Variants in KHDRBS2 observed in about 807,000 individuals in gnomAD.
KHDRBS2 encodes the protein KH RNA binding domain containing, signal transduction associated 2, also known as KH domain-containing, RNA-binding, signal transduction-associated protein 2.
A neutral mutation model predicts 44.3 loss-of-function variants in KHDRBS2; 26 were observed. The observed-to-expected ratio is 0.59, with a 90% CI of 0.43 to 0.81. The LOEUF is 0.81. KHDRBS2 is among the 40% of genes least tolerant of loss of function. The pLI, the probability that KHDRBS2 is intolerant of heterozygous loss-of-function variation, is 0.00. For missense variants in KHDRBS2, 476 were observed against 433.1 expected (o/e 1.10, Z -0.88); for synonymous variants, 194 against 151.1 (o/e 1.28, Z -2.08).
chr6:61,864,870 A>G (rs1797555974), intron 6 of KHDRBS2, among the ~76,000 whole-genome samples: 1 of 151,884 alleles, frequency 6.6e-6, no homozygotes, highest in East Asian at 1.9e-4. Flanking sequence ...CCATTCTCCA[A>G]TTGCTTCCAT....
chr6:61,608,622 T>C, the KHDRBS2 span, among the ~76,000 whole-genome samples: 1 of 151,274 alleles, frequency 6.6e-6, no homozygotes, highest in South Asian at 2.1e-4. Context: ...CAGTGTGTGA[T>C]GTTCCCCTCT....
intron 6 of KHDRBS2, among the ~76,000 whole-genome samples, chr6:61,761,687 A>T (rs932038450): frequency 6.6e-6 from 1 of 152,198 alleles, no homozygotes; most frequent in African/African-American, 2.4e-5. Context: ...TGCAGTAGAG[A>T]ACTACAGAAT....
chr6:62,061,962 A>C (rs1333723773), intron 2 of KHDRBS2, among the ~76,000 whole-genome samples: 1 of 151,818 alleles, frequency 6.6e-6, no homozygotes, highest in African/African-American at 2.4e-5. Context: ...CCAGTTGATC[A>C]CATCGGCTCC....
the KHDRBS2 span, among the ~76,000 whole-genome samples, chr6:61,599,468 C>T: frequency 3.3e-5 from 5 of 151,830 alleles, no homozygotes; most frequent in African/African-American, 1.2e-4. Context: ...GTAGCCCCCC[C>T]AAAAAATTTT....
At chr6:61,555,989 C>T in the KHDRBS2 span, among the ~76,000 whole-genome samples, 2 of 152,198 alleles carry the variant, frequency 1.3e-5, no homozygotes, top group Admixed American at 1.3e-4. Context: ...GGGGTTCATG[C>T]TCGTTTGCAC....
intron 3 of KHDRBS2, among the ~76,000 whole-genome samples, chr6:61,989,948 T>C (rs968013577): frequency 2.6e-5 from 4 of 152,198 alleles, no homozygotes; most frequent in Admixed American, 1.3e-4. Flanking sequence ...GGTGTATAAA[T>C]AGGCAAGGTT....
At chr6:61,925,705 G>T (rs1808827329) in intron 4 of KHDRBS2, among the ~76,000 whole-genome samples, 1 of 147,310 alleles carries the variant, frequency 6.8e-6, no homozygotes, top group Non-Finnish European at 1.5e-5. Context: ...CTGGGCAACA[G>T]AGTAAGGCTC....
rs566617021 is a variant in KHDRBS2 at position 62,083,306 on chromosome 6, T to C, written c.220-35312A>G. Reference sequence around the variant, plus strand: ...AGAGTTCAGCCAGGGACAGCCATACTCCAGGGGAAAACCACCGTCCTACTC... The same window carrying C: ...AGAGTTCAGCCAGGGACAGCCATACCCCAGGGGAAAACCACCGTCCTACTC... On this transcript the variant is annotated intron_variant, in intron 2 of 8. Coordinates refer to ENST00000281156, the MANE Select transcript of KHDRBS2 (RefSeq NM_152688.4). Among the ~76,000 whole-genome samples, 4 of 152,148 alleles carry C rather than the reference T, an allele frequency of 2.6e-5. No homozygotes were observed. In the South Asian group the frequency reaches 6.2e-4, roughly 24 times the overall value.
intron 1 of KHDRBS2, among the ~76,000 whole-genome samples, chr6:62,222,298 A>G (rs2058733): frequency 0.013 from 1,942 of 152,012 alleles, 14 homozygotes; most frequent in Non-Finnish European, 0.019. Flanking sequence ...CCACTTTCAC[A>G]CTGCTGATAA....
chr6:61,595,976 ATC>A, the KHDRBS2 span, among the ~76,000 whole-genome samples: 1 of 152,262 alleles, frequency 6.6e-6, no homozygotes, highest in Non-Finnish European at 1.5e-5. Flanking sequence ...CACAAAAGGC[ATC>A]ATCGAGGATG....
chr6:62,045,684 A>G (rs1234801852), intron 3 of KHDRBS2, among the ~76,000 whole-genome samples: 2 of 152,072 alleles, frequency 1.3e-5, no homozygotes, highest in African/African-American at 2.4e-5. Flanking sequence ...ATTCACACAT[A>G]TACACTTTTA....
At chr6:62,048,129 C>T (rs181083663) in intron 2 of KHDRBS2, 135 bp from the exon 3 acceptor site, 10 of 583,168 alleles carry the variant, frequency 1.7e-5, no homozygotes, top group African/African-American at 1.5e-4. Context: ...CATACACACA[C>T]ACACACACAC....
intron 7 of KHDRBS2, among the ~76,000 whole-genome samples, chr6:61,731,911 A>G (rs1208908299): frequency 1.3e-5 from 2 of 152,086 alleles, no homozygotes; most frequent in Non-Finnish European, 2.9e-5. Flanking sequence ...TTCTTCTTAC[A>G]AGGTGTTCTA....
the KHDRBS2 span, among the ~76,000 whole-genome samples, chr6:61,600,585 A>G: frequency 1.3e-5 from 2 of 152,104 alleles, no homozygotes; most frequent in African/African-American, 4.8e-5. Context: ...AAAAAGCTTT[A>G]CTGCTCACAC....
intron 2 of KHDRBS2, among the ~76,000 whole-genome samples, chr6:62,134,684 A>G (rs535824131): frequency 3.1e-4 from 47 of 152,300 alleles, no homozygotes; most frequent in South Asian, 1.9e-3. Flanking sequence ...AAAGCTACAG[A>G]GGCAGAGCTT....
the KHDRBS2 span, among the ~76,000 whole-genome samples, chr6:61,666,710 C>A: frequency 6.6e-6 from 1 of 151,396 alleles, no homozygotes; most frequent in East Asian, 2.0e-4. Context: ...TCTTATTAAA[C>A]AATATAATAC....
intron 3 of KHDRBS2, among the ~76,000 whole-genome samples, chr6:62,011,438 T>C (rs900058199): frequency 6.6e-6 from 1 of 152,126 alleles, no homozygotes; most frequent in Non-Finnish European, 1.5e-5. Context: ...AATATGGCAA[T>C]ACAGGTAAAT....
At chr6:62,184,202 C>G (rs1162443217) in intron 1 of KHDRBS2, among the ~76,000 whole-genome samples, 1 of 151,544 alleles carries the variant, frequency 6.6e-6, no homozygotes, top group Non-Finnish European at 1.5e-5. Flanking sequence ...TCCATCACTT[C>G]GAAATCTAAG....
chr6:61,762,742 T>G (rs7755780), intron 6 of KHDRBS2, among the ~76,000 whole-genome samples: 1 of 152,034 alleles, frequency 6.6e-6, no homozygotes, highest in Non-Finnish European at 1.5e-5. Flanking sequence ...AGTAACGGCA[T>G]GGTTTCACAC....
Sources: allele counts gnomAD v4.1 joint callset (sites outside exome capture counted in the v4.1 genomes callset), GRCh38; gene constraint gnomAD v4.1.1; transcripts MANE v1.5; gene names NCBI Gene and HGNC (gene_info 2026-07-23, HGNC 2026-07-21).